NAALADL2: variants seen among roughly 807,000 people sequenced by gnomAD.
NAALADL2 encodes the protein N-acetylated alpha-linked acidic dipeptidase like 2.
In NAALADL2, 76 loss-of-function variants were observed where a neutral mutation model predicts 87.2. The ratio of observed to expected loss-of-function variants is 0.87; its 90% CI spans 0.72 to 1.05. NAALADL2 has a LOEUF of 1.05. NAALADL2 is among the 50% of genes least tolerant of loss of function. The pLI is 0.00. For missense variants in NAALADL2, 1,089 were observed against 945.8 expected (o/e 1.15, Z -1.99); for synonymous variants, 354 against 331.0 (o/e 1.07, Z -0.75).
intron 1 of NAALADL2, among the ~76,000 whole-genome samples, chr3:174,887,657 C>T (rs2109767590): frequency 6.6e-6 from 1 of 152,106 alleles, no homozygotes; most frequent in East Asian, 1.9e-4. Flanking sequence ...ATTAGTCGGG[C>T]TTGGTGGTGC....
chr3:174,826,857 C>T (rs1018351561), intron 3 of NAALADL2, among the ~76,000 whole-genome samples: 1 of 152,072 alleles, frequency 6.6e-6, no homozygotes, highest in African/African-American at 2.4e-5. Context: ...CCACTTCTAC[C>T]TATTGTTAGA....
At chr3:175,769,285 T>C (rs2150172921) in intron 13 of NAALADL2, among the ~76,000 whole-genome samples, 1 of 152,312 alleles carries the variant, frequency 6.6e-6, no homozygotes, top group East Asian at 1.9e-4. Flanking sequence ...GGGACTTTAC[T>C]TTCTATTGGG....
chr3:174,874,453 G>A (rs533060276), intron 1 of NAALADL2, among the ~76,000 whole-genome samples: 1 of 152,230 alleles, frequency 6.6e-6, no homozygotes, highest in South Asian at 2.1e-4. Flanking sequence ...ATTGCAGCAG[G>A]TGCACCTCAA....
In NAALADL2 at chr3:175,213,865, C is replaced by T. The variant is rs1742118364; in HGVS notation, c.546-20066C>T. On this transcript the variant is annotated intron_variant, in intron 2 of 13. Transcript: ENST00000454872. ...TCCAGAACCACACTTTTGATCCCAA[C>T]ATTAGCATTTCCCCTTCTCATATGA... Among the ~76,000 whole-genome samples the T allele has an allele frequency of 2.6e-5, 4 of 152,118 alleles. No homozygotes were observed. In the South Asian group the frequency reaches 8.3e-4, roughly 31 times the overall value.
At chr3:174,459,597 A>G (rs2108288975) in intron 1 of NAALADL2, 1 of 152,330 alleles carries the variant, frequency 6.6e-6, no homozygotes, top group South Asian at 2.1e-4. Context: ...AGAATTGCTG[A>G]GTTCTTCACC....
intron 1 of NAALADL2, among the ~76,000 whole-genome samples, chr3:174,462,344 C>G (rs1329096999): frequency 6.6e-6 from 1 of 152,020 alleles, no homozygotes; most frequent in Non-Finnish European, 1.5e-5. Context: ...GAAATCAAAT[C>G]AGAATACATA....
intron 5 of NAALADL2, among the ~76,000 whole-genome samples, chr3:175,376,671 A>T (rs1315082262): frequency 6.6e-6 from 1 of 151,754 alleles, no homozygotes; most frequent in Non-Finnish European, 1.5e-5. Flanking sequence ...AGAGTTGGGT[A>T]TTTTTTCTAG....
intron 2 of NAALADL2, among the ~76,000 whole-genome samples, chr3:175,103,390 G>A (rs1490770498): frequency 6.6e-6 from 1 of 152,032 alleles, no homozygotes. Flanking sequence ...TGTAATATGG[G>A]TGGTACATTC....
At chr3:175,697,842 T>C (rs1314288795) in intron 11 of NAALADL2, among the ~76,000 whole-genome samples, 7 of 130,558 alleles carry the variant, frequency 5.4e-5, no homozygotes, top group African/African-American at 8.9e-5. Context: ...TGTATTTATG[T>C]ATACATATAT....
At chr3:174,550,205 C>T (rs1370272134) in intron 1 of NAALADL2, among the ~76,000 whole-genome samples, 1 of 151,686 alleles carries the variant, frequency 6.6e-6, no homozygotes, top group Non-Finnish European at 1.5e-5. Context: ...TCAAGTTATG[C>T]ACCAAAATGA....
chr3:175,236,021 C>A (rs1745779544), intron 3 of NAALADL2, among the ~76,000 whole-genome samples: 2 of 152,164 alleles, frequency 1.3e-5, no homozygotes, highest in South Asian at 4.1e-4. Flanking sequence ...AGTTTCCACA[C>A]TGACCAAGGA....
At chr3:174,660,514 T>C (rs1355837316) in intron 2 of NAALADL2, among the ~76,000 whole-genome samples, 1 of 152,186 alleles carries the variant, frequency 6.6e-6, no homozygotes, top group African/African-American at 2.4e-5. Context: ...AGGTTGATTT[T>C]GAACCTCACT....
chr3:174,714,412 T>A (rs1417938829), intron 2 of NAALADL2, among the ~76,000 whole-genome samples: 4 of 152,080 alleles, frequency 2.6e-5, no homozygotes, highest in Non-Finnish European at 5.9e-5. Flanking sequence ...TTTTCATGAT[T>A]TTGATTCTTC....
chr3:174,981,493 A>T (rs1745105576), intron 1 of NAALADL2, among the ~76,000 whole-genome samples: 1 of 152,212 alleles, frequency 6.6e-6, no homozygotes, highest in African/African-American at 2.4e-5. Flanking sequence ...ATTTCTTCAA[A>T]GAGAAACCGC....
chr3:175,470,519 G>C (rs1027995535), intron 8 of NAALADL2, among the ~76,000 whole-genome samples: 1 of 151,932 alleles, frequency 6.6e-6, no homozygotes, highest in African/African-American at 2.4e-5. Flanking sequence ...AAATAAAATA[G>C]GATGACATTA....
At chr3:175,777,660 C>T (rs62286134) in intron 13 of NAALADL2, among the ~76,000 whole-genome samples, 15,232 of 152,072 alleles carry the variant, frequency 0.1, 865 homozygotes, top group African/African-American at 0.15. Flanking sequence ...AAACCATCAG[C>T]CTCTGTGGTT....
At chr3:174,845,555 A>G (rs78366895) in intron 3 of NAALADL2, among the ~76,000 whole-genome samples, 90 of 152,332 alleles carry the variant, frequency 5.9e-4, no homozygotes, top group African/African-American at 2.1e-3. Flanking sequence ...CAACTTTACA[A>G]TCTCTCCAGT....
At chr3:175,140,419 G>T (rs1246702664) in intron 2 of NAALADL2, among the ~76,000 whole-genome samples, 1 of 152,076 alleles carries the variant, frequency 6.6e-6, no homozygotes, top group Non-Finnish European at 1.5e-5. Flanking sequence ...ACCATAGTGT[G>T]CTAAGTACAT....
At chr3:174,910,197 G>A (rs548242786) in intron 1 of NAALADL2, among the ~76,000 whole-genome samples, 3 of 151,866 alleles carry the variant, frequency 2.0e-5, no homozygotes, top group African/African-American at 4.8e-5. Context: ...ATCGTCAGAA[G>A]GTTAGAAACA....
Sources: allele counts gnomAD v4.1 joint callset (sites outside exome capture counted in the v4.1 genomes callset), GRCh38; gene constraint gnomAD v4.1.1; transcripts MANE v1.5; gene names NCBI Gene and HGNC (gene_info 2026-07-23, HGNC 2026-07-21).